The following SHISA6 variants were observed in gnomAD, a reference collection of about 807,000 sequenced individuals.
The protein encoded by SHISA6 is shisa family member 6.
SHISA6 carries 22 observed loss-of-function variants against 47.9 expected under a neutral mutation model. That is an observed-to-expected ratio of 0.46 (90% CI 0.33 to 0.66). SHISA6 has a LOEUF of 0.66. SHISA6 is among the 30% of genes least tolerant of loss of function. The pLI is 0.02. For synonymous variants in SHISA6, 388 were observed against 337.8 expected, an observed-to-expected ratio of 1.15 and a Z score of -1.63; for missense variants, 680 against 764.6, an observed-to-expected ratio of 0.89 and a Z score of 1.30.
At chr17:11,357,685 C>T (rs1159905069) in intron 2 of SHISA6, among the ~76,000 whole-genome samples, 1 of 152,206 alleles carries the variant, frequency 6.6e-6, no homozygotes, top group Non-Finnish European at 1.5e-5. Flanking sequence ...ATAATTTATG[C>T]AGCCTTTCCT....
chr17:11,475,985 T>C (rs540316045), intron 3 of SHISA6, among the ~76,000 whole-genome samples: 2 of 152,162 alleles, frequency 1.3e-5, no homozygotes, highest in Non-Finnish European at 2.9e-5. Context: ...CCATACAGAT[T>C]GTGTATTTCC....
chr17:11,525,724 C>T (rs945036200), intron 3 of SHISA6, among the ~76,000 whole-genome samples: 2 of 136,584 alleles, frequency 1.5e-5, no homozygotes, highest in Non-Finnish European at 3.1e-5. Context: ...TTTTATATAA[C>T]AGTCTTTATG....
chr17:11,382,685 T>C (rs1913051999), intron 3 of SHISA6, among the ~76,000 whole-genome samples: 1 of 152,164 alleles, frequency 6.6e-6, no homozygotes, highest in Non-Finnish European at 1.5e-5. Flanking sequence ...TCATCCAACA[T>C]TTTCCTCCAG....
At chr17:11,398,327 A>G (rs889149986) in intron 3 of SHISA6, among the ~76,000 whole-genome samples, 1 of 152,214 alleles carries the variant, frequency 6.6e-6, no homozygotes, top group African/African-American at 2.4e-5. Context: ...GGTGATGATG[A>G]TGATGAGGAA....
At chr17:11,495,993 T>TC (rs2071404504) in intron 3 of SHISA6, among the ~76,000 whole-genome samples, 12 of 148,736 alleles carry the variant, frequency 8.1e-5, no homozygotes, top group South Asian at 4.4e-4. Flanking sequence ...ATTTATCCAT[T>TC]CATCCATCCA....
chr17:11,451,456 G>T (rs935041214), intron 3 of SHISA6, among the ~76,000 whole-genome samples: 2 of 152,152 alleles, frequency 1.3e-5, no homozygotes, highest in African/African-American at 2.4e-5. Flanking sequence ...GTTACATTTA[G>T]TTGGGGGCGA....
chr17:11,436,834 A>T (rs149735896), intron 3 of SHISA6, among the ~76,000 whole-genome samples: 4 of 152,216 alleles, frequency 2.6e-5, no homozygotes, highest in African/African-American at 9.6e-5. Flanking sequence ...GTAAAATTCT[A>T]TCTTTAACTC....
At chr17:11,398,486 T>C (rs977888597) in intron 3 of SHISA6, among the ~76,000 whole-genome samples, 2 of 152,220 alleles carry the variant, frequency 1.3e-5, no homozygotes, top group African/African-American at 4.8e-5. Flanking sequence ...AGACTGTTAC[T>C]TTGAGTTGCA....
chr17:11,348,954 G>C (rs1213845341), intron 2 of SHISA6, among the ~76,000 whole-genome samples: 1 of 152,122 alleles, frequency 6.6e-6, no homozygotes, highest in East Asian at 1.9e-4. Flanking sequence ...CTACTCATCT[G>C]GCTGTGCTTT....
intron 3 of SHISA6, among the ~76,000 whole-genome samples, chr17:11,547,239 T>G: frequency 6.6e-6 from 1 of 152,212 alleles, no homozygotes; most frequent in East Asian, 1.9e-4. Flanking sequence ...TATGTCAATT[T>G]TGTACTCTAC....
intron 3 of SHISA6, among the ~76,000 whole-genome samples, chr17:11,459,460 G>A (rs1255474391): frequency 6.6e-6 from 1 of 152,110 alleles, no homozygotes; most frequent in Admixed American, 6.6e-5. Context: ...AGGTGTACAG[G>A]GTATGGCTCT....
At chr17:11,402,780 A>G (rs1057437780) in intron 3 of SHISA6, among the ~76,000 whole-genome samples, 7 of 152,242 alleles carry the variant, frequency 4.6e-5, no homozygotes, top group African/African-American at 1.7e-4. Context: ...GATGAGATAC[A>G]TCACTTCCTT....
rs184819604 is a variant in SHISA6, at chr17:11,402,890, G to A, written c.895+23381G>A. On this transcript the variant is annotated intron_variant, in intron 3 of 5. Transcript: ENST00000441885. ...GTGTAGGTTCTCCCTTTGGGCCAGG[G>A]TCAGACAAATAGCTGAAGCGATGGT... Among the ~76,000 whole-genome samples the A allele has an allele frequency of 5.1e-3, 777 of 152,268 alleles. 1 individual carries two copies. The highest frequency in any genetic ancestry group is 8.6e-3 in the Non-Finnish European group (587 of 68,026).
At chr17:11,260,390 A>T (rs748236672) in intron 1 of SHISA6, among the ~76,000 whole-genome samples, 19 of 152,032 alleles carry the variant, frequency 1.2e-4, no homozygotes, top group Non-Finnish European at 2.1e-4. Flanking sequence ...CAGATTCCTA[A>T]ATCAGACACA....
intron 2 of SHISA6, among the ~76,000 whole-genome samples, chr17:11,294,123 A>G (rs1909655057): frequency 6.6e-6 from 1 of 152,026 alleles, no homozygotes; most frequent in African/African-American, 2.4e-5. Context: ...TGACCTCGTG[A>G]TCCACTCACC....
At chr17:11,358,610 C>T (rs1046801217) in intron 2 of SHISA6, among the ~76,000 whole-genome samples, 9 of 151,446 alleles carry the variant, frequency 5.9e-5, no homozygotes, top group Admixed American at 6.6e-5. Flanking sequence ...CCACCCACCT[C>T]GGCCTCCCAA....
At chr17:11,454,879 T>C (rs1448398114) in intron 3 of SHISA6, among the ~76,000 whole-genome samples, 1 of 152,108 alleles carries the variant, frequency 6.6e-6, no homozygotes, top group Non-Finnish European at 1.5e-5. Context: ...GCTTTAAAAA[T>C]GTTCAATGGG....
intron 1 of SHISA6, among the ~76,000 whole-genome samples, chr17:11,242,827 C>A (rs964759178): frequency 1.3e-5 from 2 of 152,174 alleles, no homozygotes; most frequent in African/African-American, 4.8e-5. Context: ...CTATGGCAGT[C>A]CCTGGTTGCA....
chr17:11,498,194 TAA>T (rs1234509955), intron 3 of SHISA6, among the ~76,000 whole-genome samples: 3 of 152,350 alleles, frequency 2.0e-5, no homozygotes, highest in Non-Finnish European at 4.4e-5. Flanking sequence ...TCTCCATGAT[TAA>T]GACTCAGTTC....
Sources: gnomAD v4.1 joint callset for allele counts (sites outside exome capture counted in the v4.1 genomes callset) on GRCh38, gnomAD v4.1.1 for gene constraint, MANE v1.5 for transcripts, NCBI Gene and HGNC (gene_info 2026-07-23, HGNC 2026-07-21) for gene names.